The following NEO1 variants were observed in gnomAD, a reference collection of about 807,000 sequenced individuals.
NEO1 encodes the protein neogenin 1.
NEO1 carries 63 observed loss-of-function variants against 159.7 expected under a neutral mutation model. The ratio of observed to expected loss-of-function variants is 0.39; its 90% confidence interval spans 0.32 to 0.49. The LOEUF (loss-of-function observed/expected upper bound fraction) is 0.49. Among genes scored for constraint, NEO1 ranks in the 20% least tolerant of loss-of-function variants. The pLI is 0.85. For missense variants in NEO1, 1,615 were observed against 1,831.0 expected, an observed-to-expected ratio of 0.88 and a Z score of 2.15; for synonymous variants, 633 against 662.0, an observed-to-expected ratio of 0.96 and a Z score of 0.67.
chr15:73,158,074 GC>G (rs2033905796), intron 5 of NEO1, among the ~76,000 whole-genome samples: 1 of 151,980 alleles, frequency 6.6e-6, no homozygotes, highest in East Asian at 1.9e-4. Flanking sequence ...AAATTAGCTG[GC>G]TTGGTAGTGC....
chr15:73,145,311 T>C (rs2151804309), intron 5 of NEO1, among the ~76,000 whole-genome samples: 1 of 152,304 alleles, frequency 6.6e-6, no homozygotes, highest in East Asian at 1.9e-4. Flanking sequence ...CAAAATTATA[T>C]GGGGATTCTC....
rs150442223 is a variant in NEO1, at chr15:73,238,372, A to G, written c.1451+1866A>G. On this transcript the variant is annotated intron_variant, in intron 8 of 28. Coordinates refer to ENST00000261908, the MANE Select transcript of NEO1 (RefSeq NM_002499.4). Reference sequence around the variant, plus strand: ...TATTCTGTCTGTCTTGTTCAATAAAATTCTCCAGCACCTGGAACAGAGCCT... The same window carrying G: ...TATTCTGTCTGTCTTGTTCAATAAAGTTCTCCAGCACCTGGAACAGAGCCT... Among the ~76,000 whole-genome samples, 1,255 of 141,844 alleles carry G rather than the reference A, an allele frequency of 8.8e-3. 19 individuals are homozygous for G. Among genetic ancestry groups the G allele is most frequent in the African/African-American group, 0.031 (1,185 of 38,420 alleles). The allele number at this position is 141,844 out of a possible 152,430, so 93.1% of individuals were successfully genotyped here.
intron 11 of NEO1, among the ~76,000 whole-genome samples, chr15:73,253,050 A>C (rs1403097047): frequency 6.6e-6 from 1 of 152,148 alleles, no homozygotes; most frequent in African/African-American, 2.4e-5. Context: ...AAAAGAATAC[A>C]TTTAAGGTTC....
intron 1 of NEO1, among the ~76,000 whole-genome samples, chr15:73,111,421 A>G (rs553530189): frequency 6.6e-6 from 1 of 152,310 alleles, no homozygotes; most frequent in South Asian, 2.1e-4. Context: ...TGCTTAAGTA[A>G]TACTATTTTT....
At chr15:73,181,965 C>G (rs1033932473) in intron 7 of NEO1, among the ~76,000 whole-genome samples, 1 of 82,482 alleles carries the variant, frequency 1.2e-5, no homozygotes, top group Admixed American at 1.6e-4. Flanking sequence ...ATACCTGAAA[C>G]AGGGCAATTT....
In NEO1 at chr15:73,124,976, T is replaced by C. The variant is rs142722003; in HGVS notation, c.725-1441T>C. 8.9e-4 allele frequency among the ~76,000 whole-genome samples: 135 copies of C among 152,304 alleles called. 1 individual carries two copies. The highest frequency in any genetic ancestry group is 3.2e-3 in the African/African-American group (131 of 41,572). On this transcript the variant is annotated intron_variant, in intron 3 of 28. Transcript: ENST00000261908. ...AAAAAGAACTATTGCCATATACCAA[T>C]ATTATTCAGTCTGCTTGCTCACTTG...
chr15:73,056,719 C>A (rs2067716059), intron 1 of NEO1, among the ~76,000 whole-genome samples: 1 of 152,118 alleles, frequency 6.6e-6, no homozygotes, highest in Non-Finnish European at 1.5e-5. Context: ...TCCTTAATTC[C>A]TTCAGCCACT....
intron 3 of NEO1, among the ~76,000 whole-genome samples, chr15:73,124,459 T>C (rs2029890669): frequency 6.6e-6 from 1 of 152,190 alleles, no homozygotes; most frequent in Non-Finnish European, 1.5e-5. Context: ...TGTAAAGATT[T>C]ATAATCTTAA....
chr15:73,069,310 C>T (rs139094924), intron 1 of NEO1, among the ~76,000 whole-genome samples: 41 of 151,870 alleles, frequency 2.7e-4, no homozygotes, highest in African/African-American at 4.1e-4. Context: ...TTGCCAGCTG[C>T]GTTTTGGGGC....
rs556485300 is a variant in NEO1, at chr15:73,163,791, A to T, written c.1016-12612A>T. 5.3e-4 allele frequency among the ~76,000 whole-genome samples: 80 copies of T among 152,252 alleles called. 2 individuals carry two copies. The South Asian group carries it at 0.016, about 30-fold the overall frequency. On this transcript the variant is annotated intron_variant, in intron 5 of 28. Coordinates refer to ENST00000261908, the MANE Select transcript of NEO1 (RefSeq NM_002499.4). ...GGGAAGGCTGTAACATATGCTTTAG[A>T]CCTATTGTAGTTTGTGTAATTATTA...
At chr15:73,231,814 T>A (rs2038926043) in intron 7 of NEO1, among the ~76,000 whole-genome samples, 1 of 152,156 alleles carries the variant, frequency 6.6e-6, no homozygotes, top group Non-Finnish European at 1.5e-5. Flanking sequence ...TCTAGCTGCC[T>A]CCACTGCCAT....
At chr15:73,233,836 A>G (rs1040693205) in intron 7 of NEO1, among the ~76,000 whole-genome samples, 29 of 152,182 alleles carry the variant, frequency 1.9e-4, no homozygotes, top group Non-Finnish European at 7.4e-5. Flanking sequence ...AATAACATGT[A>G]CGCAGAGCTT....
At chr15:73,063,955 C>T (rs1425064655) in intron 1 of NEO1, among the ~76,000 whole-genome samples, 2 of 152,078 alleles carry the variant, frequency 1.3e-5, no homozygotes, top group East Asian at 1.9e-4. Context: ...TATGAATCAG[C>T]GATTTCTCTG....
intron 7 of NEO1, among the ~76,000 whole-genome samples, chr15:73,210,221 G>A (rs2037480270): frequency 6.6e-6 from 1 of 152,172 alleles, no homozygotes; most frequent in South Asian, 2.1e-4. Flanking sequence ...AGAATATGGT[G>A]CCCACTTACC....
chr15:73,164,985 G>A (rs1362418392), intron 5 of NEO1, among the ~76,000 whole-genome samples: 1 of 152,134 alleles, frequency 6.6e-6, no homozygotes, highest in East Asian at 1.9e-4. Context: ...TTGGAGTGCA[G>A]TGGTGTAATC....
intron 4 of NEO1, among the ~76,000 whole-genome samples, chr15:73,126,780 T>C (rs1207196660): frequency 6.6e-6 from 1 of 152,248 alleles, no homozygotes; most frequent in African/African-American, 2.4e-5. Context: ...GAGATAATTA[T>C]TCCCTTTGTT....
chr15:73,107,978 T>C (rs2070775276), intron 1 of NEO1, among the ~76,000 whole-genome samples: 1 of 152,054 alleles, frequency 6.6e-6, no homozygotes, highest in South Asian at 2.1e-4. Flanking sequence ...AACCAGGAGT[T>C]TGAGACCAGC....
chr15:73,095,558 C>T (rs1456666837), intron 1 of NEO1, among the ~76,000 whole-genome samples: 1 of 152,110 alleles, frequency 6.6e-6, no homozygotes, highest in African/African-American at 2.4e-5. Flanking sequence ...TTTATTGCCA[C>T]CAGGAACAGT....
upstream of NEO1, among the ~76,000 whole-genome samples, chr15:73,052,123 G>A (rs937216918): frequency 6.6e-6 from 1 of 150,426 alleles, no homozygotes; most frequent in Non-Finnish European, 1.5e-5. Context: ...CAGCAGCAGC[G>A]CCCGGCGCGC....
Sources: gnomAD v4.1 joint callset for allele counts (sites outside exome capture counted in the v4.1 genomes callset) on GRCh38, gnomAD v4.1.1 for gene constraint, MANE v1.5 for transcripts, NCBI Gene and HGNC (gene_info 2026-07-23, HGNC 2026-07-21) for gene names.